The following ATP2C1 variants were observed in gnomAD, a reference collection of about 807,000 sequenced individuals.
ATP2C1 encodes calcium-transporting ATPase type 2C member 1.
In ATP2C1, 31 loss-of-function variants were observed where a neutral mutation model predicts 120.5. That is an observed-to-expected ratio of 0.26 (90% CI 0.19 to 0.35). ATP2C1 has a LOEUF of 0.35. Among genes scored for constraint, ATP2C1 ranks in the 10% least tolerant of loss-of-function variants. The probability of loss-of-function intolerance (pLI) is 1.00; values close to 1 mark genes in which losing one functional copy is unlikely to be tolerated. For synonymous variants in ATP2C1, 351 were observed against 358.7 expected, an observed-to-expected ratio of 0.98 and a Z score of 0.24; for missense variants, 731 against 1,107.5, an observed-to-expected ratio of 0.66 and a Z score of 4.83.
At chr3:130,954,979 G>A in intron 9 of ATP2C1, 33 bp from the exon 10 acceptor site, 1 of 1,493,568 alleles carries the variant, frequency 6.7e-7, no homozygotes, top group Non-Finnish European at 9.3e-7. Flanking sequence ...ATTTCATCTG[G>A]ATGTAAATGT....
intron 20 of ATP2C1, among the ~76,000 whole-genome samples, chr3:130,986,233 A>G (rs218485): frequency 6.7e-6 from 1 of 149,350 alleles, no homozygotes; most frequent in African/African-American, 2.5e-5. Flanking sequence ...CTCTTCCTGA[A>G]GTTTATTTCT....
chr3:130,956,590 T>C (rs2060590870), intron 11 of ATP2C1, among the ~76,000 whole-genome samples: 1 of 151,926 alleles, frequency 6.6e-6, no homozygotes, highest in South Asian at 2.1e-4. Context: ...ACATTTAGGA[T>C]TTTTTGAGGG....
At chr3:130,980,515 TTAC>T (rs768269009) in intron 19 of ATP2C1, 64 bp from the exon 20 acceptor site, 8 of 1,089,562 alleles carry the variant, frequency 7.3e-6, no homozygotes, top group Non-Finnish European at 1.1e-5. Context: ...TAAATGAGCA[TTAC>T]GTTGACTAGC....
chr3:130,906,199 C>T (rs893827448), intron 2 of ATP2C1, among the ~76,000 whole-genome samples: 4 of 151,894 alleles, frequency 2.6e-5, no homozygotes, highest in Non-Finnish European at 5.9e-5. Flanking sequence ...TTTATCACCC[C>T]AGAAAGAAAC....
intron 2 of ATP2C1, among the ~76,000 whole-genome samples, chr3:130,911,539 G>A (rs1407809661): frequency 6.6e-6 from 1 of 151,446 alleles, no homozygotes; most frequent in East Asian, 1.9e-4. Context: ...TAATTGTGAT[G>A]TTAGGGTGTC....
chr3:130,989,748 AT>A (rs2062226465), intron 20 of ATP2C1, among the ~76,000 whole-genome samples: 1 of 152,178 alleles, frequency 6.6e-6, no homozygotes, highest in Non-Finnish European at 1.5e-5. Context: ...CATGAAGTAC[AT>A]GGACAACTCA....
At position 130,894,588 on chromosome 3, in the gene ATP2C1, A is replaced by C; in HGVS notation, c.-180-2A>C. 2.7e-6 allele frequency: 4 copies of C among 1,493,446 alleles called. No homozygotes were observed. Among genetic ancestry groups the C allele is most frequent in the Non-Finnish European group, 3.6e-6 (4 of 1,121,110 alleles). 92.5% of individuals were successfully genotyped at this position (1,493,446 alleles called of 1,614,324 possible). ...CGCCGCTTCTCCTGGTTTCTCTTGC[A>C]GATGCTGCTGCTAGGGGTGGTGGGA... On this transcript the variant is annotated splice_acceptor_variant, in intron 1 of 27. Coordinates refer to ENST00000510168, the MANE Select transcript of ATP2C1 (RefSeq NM_001378687.1). LOFTEE classifies it low-confidence loss of function (5UTR_SPLICE). The surrounding 1 kb of genome is among the most constrained non-coding windows in gnomAD (Gnocchi z 4.5).
At chr3:130,972,675 T>C (rs2061379052) in intron 17 of ATP2C1, among the ~76,000 whole-genome samples, 1 of 137,402 alleles carries the variant, frequency 7.3e-6, no homozygotes, top group African/African-American at 2.7e-5. Context: ...CCATGTGTTC[T>C]CATTGTTCAC....
At chr3:130,955,421 C>G (rs2060537568) in intron 10 of ATP2C1, among the ~76,000 whole-genome samples, 1 of 152,106 alleles carries the variant, frequency 6.6e-6, no homozygotes, top group Non-Finnish European at 1.5e-5. Context: ...TGTCTTCTAT[C>G]AAATTTTTTC....
At chr3:130,939,534 G>T (rs1017687713) in intron 6 of ATP2C1, among the ~76,000 whole-genome samples, 1 of 152,142 alleles carries the variant, frequency 6.6e-6, no homozygotes, top group African/African-American at 2.4e-5. Context: ...AGGGAGTAGA[G>T]GCTAAGAAAC....
Position 131,001,756 on chromosome 3 carries a change from A to C in ATP2C1, c.*406A>C. 1 of 981,184 alleles carries C rather than the reference A, an allele frequency of 1.0e-6. No individual in the cohort carries two copies. Among genetic ancestry groups the C allele is most frequent in the Non-Finnish European group, 1.2e-6 (1 of 825,672 alleles). 60.8% of individuals were successfully genotyped at this position (981,184 alleles called of 1,614,324 possible). ...GGGGCTTTCTTACTAATACACAAAT[A>C]AATTTAATCATTTCAAAGGCATTCT... is the stretch of plus-strand genomic sequence containing the variant. On this transcript the variant is annotated 3_prime_UTR_variant, in exon 28 of 28. Coordinates refer to ENST00000510168, the MANE Select transcript of ATP2C1 (RefSeq NM_001378687.1).
intron 1 of ATP2C1, among the ~76,000 whole-genome samples, chr3:130,855,019 G>A (rs1320630022): frequency 1.3e-5 from 2 of 152,174 alleles, no homozygotes; most frequent in Admixed American, 1.3e-4. Context: ...AAACCTGGGA[G>A]TCACCTTGGC....
intron 20 of ATP2C1, among the ~76,000 whole-genome samples, chr3:130,991,158 A>C (rs1560022548): frequency 6.6e-6 from 1 of 152,160 alleles, no homozygotes; most frequent in Non-Finnish European, 1.5e-5. Flanking sequence ...AGGGATCAGG[A>C]GAAGTCTGTA....
intron 26 of ATP2C1, among the ~76,000 whole-genome samples, chr3:130,998,638 G>C (rs958229740): frequency 2.0e-5 from 3 of 152,140 alleles, no homozygotes; most frequent in African/African-American, 7.2e-5. Context: ...TGTCATCTGC[G>C]TTTAGCTGGC....
At chr3:130,934,408 T>G (rs1456997183) in intron 4 of ATP2C1, among the ~76,000 whole-genome samples, 1 of 119,908 alleles carries the variant, frequency 8.3e-6, no homozygotes, top group Non-Finnish European at 2.0e-5. Context: ...TGCTATTTAA[T>G]TTTTTTTTTC....
chr3:130,956,229 G>C, intron 11 of ATP2C1, 50 bp downstream of exon 11: 1 of 1,137,508 alleles, frequency 8.8e-7, no homozygotes, highest in Non-Finnish European at 1.3e-6. Context: ...TTTGTTTTTT[G>C]AATGTGAAGG....
At chr3:130,922,266 T>C (rs373995321) in intron 2 of ATP2C1, among the ~76,000 whole-genome samples, 7 of 152,332 alleles carry the variant, frequency 4.6e-5, no homozygotes, top group African/African-American at 1.2e-4. Flanking sequence ...CATAGTAGCC[T>C]TGAATGATCT....
chr3:130,867,488 C>A (rs1365910736), intron 1 of ATP2C1, among the ~76,000 whole-genome samples: 9 of 149,330 alleles, frequency 6.0e-5, no homozygotes, highest in Non-Finnish European at 1.0e-4. Context: ...GACGGGGTTT[C>A]GCTGTGTTGG....
In ATP2C1 at chr3:130,894,825, G is replaced by C. The variant is rs200906704; in HGVS notation, c.6+50G>C. Reference sequence around the variant, plus strand: ...GCAACGCGGAGTTGAGGGTGTGGTGGTTTGCTTTTAAGTTGTCTTTGTTTT... The same window carrying C: ...GCAACGCGGAGTTGAGGGTGTGGTGCTTTGCTTTTAAGTTGTCTTTGTTTT... On this transcript the variant is annotated intron_variant, in intron 2 of 27. Transcript: ENST00000510168. This position sits in a 1 kb window ranked among gnomAD's most constrained non-coding sequence, Gnocchi z 4.5. 18 of 1,559,130 alleles carry C rather than the reference G, an allele frequency of 1.2e-5. No individual in the cohort carries two copies. In the East Asian group the frequency reaches 3.6e-4, roughly 31 times the overall value.
Sources: allele counts gnomAD v4.1 joint callset (sites outside exome capture counted in the v4.1 genomes callset), GRCh38; gene constraint gnomAD v4.1.1; non-coding constraint Gnocchi (gnomAD v3.1); transcripts MANE v1.5; gene names NCBI Gene and HGNC (gene_info 2026-07-23, HGNC 2026-07-21).